Variants in SMAGP observed in about 807,000 individuals in gnomAD.
SMAGP encodes the protein small cell adhesion glycoprotein.
A neutral mutation model predicts 10.1 loss-of-function variants in SMAGP; 7 were observed. The ratio of observed to expected loss-of-function variants is 0.70; its 90% CI spans 0.40 to 1.31. The LOEUF (loss-of-function observed/expected upper bound fraction) is 1.31, where lower values mean the gene tolerates loss of function less well. SMAGP is among the 50% of genes most tolerant of loss of function. The pLI is 0.01. For missense variants in SMAGP, 113 were observed against 116.5 expected, an observed-to-expected ratio of 0.97 and a Z score of 0.14; for synonymous variants, 49 against 47.2, an observed-to-expected ratio of 1.04 and a Z score of -0.16.
intron 2 of SMAGP, among the ~76,000 whole-genome samples, chr12:51,268,166 G>A (rs1405269935): frequency 6.6e-6 from 1 of 152,098 alleles, no homozygotes; most frequent in Non-Finnish European, 1.5e-5. Context: ...TGCTGGGTCT[G>A]TATCACCAGA....
At chr12:51,260,533 C>T (rs1303394346) in intron 2 of SMAGP, among the ~76,000 whole-genome samples, 4 of 151,828 alleles carry the variant, frequency 2.6e-5, no homozygotes, top group Admixed American at 6.6e-5. Flanking sequence ...CCCGCCACCA[C>T]GCCCGGCTAA....
chr12:51,260,310 C>T (rs1944920701), intron 2 of SMAGP, among the ~76,000 whole-genome samples: 2 of 150,482 alleles, frequency 1.3e-5, no homozygotes, highest in South Asian at 2.1e-4. Flanking sequence ...CCTGCCTTAA[C>T]CTCCCAAGTA....
intron 2 of SMAGP, among the ~76,000 whole-genome samples, chr12:51,261,411 G>C (rs928886672): frequency 2.6e-5 from 4 of 152,064 alleles, no homozygotes; most frequent in African/African-American, 9.7e-5. Context: ...TCACAATTTT[G>C]AAGTGAGCAG....
chr12:51,269,704 A>C (rs1226459198), intron 1 of SMAGP: 1 of 163,512 alleles, frequency 6.1e-6, no homozygotes, highest in East Asian at 1.7e-4. Context: ...TGGTGACGCC[A>C]TCCACCAGGT....
At position 51,252,157 on chromosome 12, in the gene SMAGP, G is replaced by A. The variant is rs531421621; in HGVS notation, c.35-5326C>T. ...CACCCAGGCTGGAGTGCAGTGGCGC[G>A]ATGTTGGCTCACTGCAACCTCTGTC... On this transcript the variant is annotated intron_variant, in intron 2 of 3. Transcript: ENST00000603798. Among the ~76,000 whole-genome samples the A allele has an allele frequency of 4.1e-5, 6 of 146,358 alleles. No individual in the cohort carries two copies. The East Asian group carries it at 8.1e-4, about 20-fold the overall frequency.
At chr12:51,257,764 C>A (rs1053942957) in intron 2 of SMAGP, among the ~76,000 whole-genome samples, 4 of 152,170 alleles carry the variant, frequency 2.6e-5, no homozygotes, top group African/African-American at 9.6e-5. Flanking sequence ...AGGCTGGTCT[C>A]GAACTCCTGA....
intron 2 of SMAGP, among the ~76,000 whole-genome samples, chr12:51,253,883 G>A (rs903382756): frequency 1.3e-5 from 2 of 152,122 alleles, no homozygotes; most frequent in African/African-American, 4.8e-5. Context: ...TCCAGCCCAG[G>A]CGAAAGAGCG....
chr12:51,270,404 G>A lies in SMAGP; in HGVS notation c.-187C>T, dbSNP rs1018939735. The A allele has an allele frequency of 2.4e-4, 58 of 242,708 alleles. No individual in the cohort carries two copies. The highest frequency in any genetic ancestry group is 1.2e-3 in the African/African-American group (56 of 45,128). 15.0% of individuals were successfully genotyped at this position (242,708 alleles called of 1,614,324 possible). A position where few individuals can be genotyped will look rare whatever the true frequency, so the allele number is the denominator to read the frequency against. On this transcript the variant is annotated 5_prime_UTR_variant, in exon 1 of 4. Transcript: ENST00000603798. ...GAGGAAGCCGCGGGTGGCGCGCGGG[G>A]TTGGCGCAGAGGCCGGAGGGGGTGG...
chr12:51,264,824 C>G (rs1445523096), intron 2 of SMAGP, among the ~76,000 whole-genome samples: 1 of 150,228 alleles, frequency 6.7e-6, no homozygotes. Context: ...CCCAGCTACT[C>G]AGGAGGTTGA....
intron 2 of SMAGP, among the ~76,000 whole-genome samples, chr12:51,254,471 C>A (rs1944869463): frequency 6.6e-6 from 1 of 152,040 alleles, no homozygotes; most frequent in Non-Finnish European, 1.5e-5. Context: ...CACTTGAACC[C>A]AGGAGGCGGA....
intron 2 of SMAGP, among the ~76,000 whole-genome samples, chr12:51,255,786 T>C (rs1232280598): frequency 6.6e-6 from 1 of 152,210 alleles, no homozygotes; most frequent in African/African-American, 2.4e-5. Flanking sequence ...TCTTTCTTTT[T>C]TTTGAGACAG....
rs1306564428 is a variant in SMAGP, at chr12:51,245,135, GTA to G, written c.*804_*805del. 6.6e-6 allele frequency: 1 copy of G among 152,094 alleles called. No homozygotes were observed. Among genetic ancestry groups the G allele is most frequent in the African/African-American group, 2.4e-5 (1 of 41,394 alleles). 9.4% of individuals were successfully genotyped at this position (152,094 alleles called of 1,614,324 possible). ...AGCCACCGAACCCGGCCCTCCCAGG[GTA>G]TGTTTCTAATGATGTTCCCCTGGAA... On this transcript the variant is annotated 3_prime_UTR_variant, in exon 4 of 4. Transcript: ENST00000603798.
intron 2 of SMAGP, among the ~76,000 whole-genome samples, chr12:51,250,953 T>C (rs992800476): frequency 6.6e-6 from 1 of 151,780 alleles, no homozygotes; most frequent in African/African-American, 2.4e-5. Context: ...CCATGCACTT[T>C]CCTCCCCAAA....
intron 2 of SMAGP, among the ~76,000 whole-genome samples, chr12:51,260,367 T>TTTG (rs756029564): frequency 1.8e-3 from 271 of 149,436 alleles, no homozygotes; most frequent in African/African-American, 6.3e-3. Flanking sequence ...GATTGTTTTT[T>TTTG]TTGTTGTTGT....
At chr12:51,253,167 A>C (rs1415246841) in intron 2 of SMAGP, among the ~76,000 whole-genome samples, 1 of 152,194 alleles carries the variant, frequency 6.6e-6, no homozygotes, top group African/African-American at 2.4e-5. Flanking sequence ...ATTAGAAGTC[A>C]GAATGGGACT....
chr12:51,265,222 T>C (rs1944964260), intron 2 of SMAGP, among the ~76,000 whole-genome samples: 1 of 152,068 alleles, frequency 6.6e-6, no homozygotes. Context: ...GTAACAAGTG[T>C]TGGCAAGGTT....
chr12:51,259,168 G>T (rs1592235598), intron 2 of SMAGP, among the ~76,000 whole-genome samples: 1 of 152,202 alleles, frequency 6.6e-6, no homozygotes. Flanking sequence ...TTCTTTGCAA[G>T]ATATATACAT....
At chr12:51,268,582 C>T (rs1305771182) in intron 2 of SMAGP, among the ~76,000 whole-genome samples, 1 of 105,260 alleles carries the variant, frequency 9.5e-6, no homozygotes, top group Non-Finnish European at 2.0e-5. Context: ...TCCTTCCTTT[C>T]CTTTCCTCCC....
chr12:51,251,636 C>T (rs1467338223), intron 2 of SMAGP: 1 of 151,324 alleles, frequency 6.6e-6, no homozygotes, highest in Non-Finnish European at 1.5e-5. Flanking sequence ...ACCAGATGAT[C>T]ACAATTAAAT....
Sources: gnomAD v4.1 joint callset for allele counts (sites outside exome capture counted in the v4.1 genomes callset) on GRCh38, gnomAD v4.1.1 for gene constraint, MANE v1.5 for transcripts, NCBI Gene and HGNC (gene_info 2026-07-23, HGNC 2026-07-21) for gene names.